Variants in PPFIBP2 observed in about 807,000 individuals in gnomAD.
The protein encoded by PPFIBP2 is PPFIB scaffold protein 2.
Under a neutral mutation model 118.3 loss-of-function variants are expected in PPFIBP2, and 118 were observed. The observed-to-expected ratio is 1.00, with a 90% confidence interval of 0.86 to 1.16. PPFIBP2 has a LOEUF of 1.16. Among genes scored for constraint, PPFIBP2 ranks in the 50% most tolerant of loss-of-function variants. PPFIBP2 has a pLI of 0.00. For synonymous variants in PPFIBP2, 414 were observed against 397.4 expected (o/e 1.04, Z -0.50); for missense variants, 1,195 against 1,073.1 (o/e 1.11, Z -1.59).
intron 1 of PPFIBP2, among the ~76,000 whole-genome samples, chr11:7,523,396 A>G (rs528020963): frequency 6.6e-6 from 1 of 152,338 alleles, no homozygotes; most frequent in East Asian, 1.9e-4. Context: ...AAATAAAAAC[A>G]TATACACAAA....
At chr11:7,589,377 A>G (rs1207759728) in intron 3 of PPFIBP2, among the ~76,000 whole-genome samples, 1 of 152,128 alleles carries the variant, frequency 6.6e-6, no homozygotes, top group Non-Finnish European at 1.5e-5. Flanking sequence ...GCAGATCACA[A>G]GGTCAAGAGA....
chr11:7,654,543 G>A (rs1854510460), downstream of PPFIBP2, among the ~76,000 whole-genome samples: 1 of 152,238 alleles, frequency 6.6e-6, no homozygotes, highest in South Asian at 2.1e-4. Flanking sequence ...GCAGCCTCAG[G>A]CATGGTCTGT....
At chr11:7,528,327 C>G (rs889822690) in intron 1 of PPFIBP2, among the ~76,000 whole-genome samples, 3 of 152,072 alleles carry the variant, frequency 2.0e-5, no homozygotes, top group Non-Finnish European at 1.5e-5. Flanking sequence ...TCTCTAACTT[C>G]CTAAATGCAG....
In PPFIBP2 at chr11:7,602,930, G is replaced by A. The variant is rs141792956; in HGVS notation, c.486+5257G>A. On this transcript the variant is annotated intron_variant, in intron 5 of 23. Transcript: ENST00000299492. The stretch of plus-strand genomic sequence containing the variant: ...AGTAGAGAATGAGGATGACAATATG[G>A]ACTCTGTATTGCCTACCTCTTACTT... 8.3e-3 allele frequency among the ~76,000 whole-genome samples: 1,263 copies of A among 152,268 alleles called. 8 individuals are homozygous for A. Among genetic ancestry groups the A allele is most frequent in the Non-Finnish European group, 0.012 (843 of 68,010 alleles).
At chr11:7,629,390 G>C (rs1389852826) in intron 9 of PPFIBP2, 69 bp from the exon 10 acceptor site, 1 of 1,448,700 alleles carries the variant, frequency 6.9e-7, no homozygotes, top group East Asian at 2.3e-5. Context: ...ACATAGCGTG[G>C]GTTCCAAAAT....
At chr11:7,660,933 G>A (rs200328147), downstream of PPFIBP2, among the ~76,000 whole-genome samples, 9,461 of 151,890 alleles carry the variant, frequency 0.062, 825 homozygotes, top group African/African-American at 0.2. Context: ...GTTTATTTGC[G>A]TAGAGGTGTT....
chr11:7,540,491 G>T (rs1851667049), intron 1 of PPFIBP2, among the ~76,000 whole-genome samples: 1 of 152,118 alleles, frequency 6.6e-6, no homozygotes, highest in Non-Finnish European at 1.5e-5. Context: ...GAAGCATTTG[G>T]GTCCCACCCA....
chr11:7,532,794 T>C (rs1850836656), intron 1 of PPFIBP2, among the ~76,000 whole-genome samples: 1 of 152,208 alleles, frequency 6.6e-6, no homozygotes, highest in Non-Finnish European at 1.5e-5. Context: ...CTTAACTTTT[T>C]TTATTGCAAG....
intron 2 of PPFIBP2, among the ~76,000 whole-genome samples, chr11:7,555,892 G>C (rs1056637289): frequency 2.0e-5 from 3 of 152,148 alleles, no homozygotes; most frequent in Non-Finnish European, 4.4e-5. Flanking sequence ...AACTGTGTGG[G>C]CCTCGTGTAT....
chr11:7,543,878 C>G (rs1471566583), intron 1 of PPFIBP2, among the ~76,000 whole-genome samples: 1 of 152,192 alleles, frequency 6.6e-6, no homozygotes, highest in East Asian at 1.9e-4. Flanking sequence ...ATCTTGCTCC[C>G]TAATCAACTT....
chr11:7,599,271 A>T (rs1341455202), intron 5 of PPFIBP2, among the ~76,000 whole-genome samples: 1 of 152,154 alleles, frequency 6.6e-6, no homozygotes, highest in Non-Finnish European at 1.5e-5. Flanking sequence ...AGGATAAGGG[A>T]AGAAGATGAT....
chr11:7,544,172 C>T (rs1015951389), intron 1 of PPFIBP2, among the ~76,000 whole-genome samples: 1 of 152,214 alleles, frequency 6.6e-6, no homozygotes, highest in African/African-American at 2.4e-5. Flanking sequence ...TCTTAAACAA[C>T]ATACCCTGCC....
At chr11:7,569,027 C>T (rs1855342456) in intron 3 of PPFIBP2, 1 of 152,246 alleles carries the variant, frequency 6.6e-6, no homozygotes. Context: ...TCTTCTGGCA[C>T]TGGAGCATCT....
chr11:7,535,217 A>T (rs1851088329), intron 1 of PPFIBP2, among the ~76,000 whole-genome samples: 1 of 152,240 alleles, frequency 6.6e-6, no homozygotes, highest in African/African-American at 2.4e-5. Flanking sequence ...CTCAGCCAAG[A>T]TTCATTTCAA....
intron 2 of PPFIBP2, among the ~76,000 whole-genome samples, chr11:7,549,971 A>G (rs1419479940): frequency 6.6e-6 from 1 of 152,204 alleles, no homozygotes; most frequent in Non-Finnish European, 1.5e-5. Context: ...GATGAAAGGC[A>G]GTTTTGTATT....
intron 4 of PPFIBP2, among the ~76,000 whole-genome samples, chr11:7,594,277 G>GTTT (rs368961147): frequency 2.0e-4 from 31 of 151,376 alleles, no homozygotes; most frequent in South Asian, 1.5e-3. Flanking sequence ...AGTGTTGTTG[G>GTTT]TTTTTTTTCT....
chr11:7,528,137 T>A (rs1229315153), intron 1 of PPFIBP2, among the ~76,000 whole-genome samples: 1 of 152,202 alleles, frequency 6.6e-6, no homozygotes, highest in Non-Finnish European at 1.5e-5. Context: ...TTATGCAGTC[T>A]TAAATTTACA....
intron 14 of PPFIBP2, 82 bp from the exon 15 acceptor site, chr11:7,639,650 G>T (rs1172774358): frequency 6.4e-7 from 1 of 1,567,228 alleles, no homozygotes; most frequent in African/African-American, 1.4e-5. Flanking sequence ...TGCAAAACAG[G>T]GAGTTGTTCT....
chr11:7,648,620 T>C (rs1446937930), intron 18 of PPFIBP2, 83 bp downstream of exon 18: 2 of 1,553,076 alleles, frequency 1.3e-6, no homozygotes, highest in Non-Finnish European at 1.8e-6. Flanking sequence ...CTGTCACACA[T>C]ACACACAGGA....
Sources: allele counts gnomAD v4.1 joint callset (sites outside exome capture counted in the v4.1 genomes callset), GRCh38; gene constraint gnomAD v4.1.1; transcripts MANE v1.5; gene names NCBI Gene and HGNC (gene_info 2026-07-23, HGNC 2026-07-21).